Variants in ADAMTSL1 observed in about 807,000 individuals in gnomAD.
ADAMTSL1 encodes ADAMTS like 1, also known as ADAMTS-like protein 1.
A neutral mutation model predicts 201.8 loss-of-function variants in ADAMTSL1; 126 were observed. The observed-to-expected ratio is 0.62, with a 90% CI of 0.54 to 0.72. The LOEUF is 0.72. Among genes scored for constraint, ADAMTSL1 ranks in the 30% least tolerant of loss-of-function variants. The pLI is 0.00. For synonymous variants in ADAMTSL1, 1,121 were observed against 903.4 expected (o/e 1.24, Z -4.32); for missense variants, 2,679 against 2,277.8 (o/e 1.18, Z -3.59).
intron 21 of ADAMTSL1, among the ~76,000 whole-genome samples, chr9:18,821,003 T>C (rs941283044): frequency 6.6e-6 from 1 of 152,168 alleles, no homozygotes; most frequent in South Asian, 2.1e-4. Flanking sequence ...AAGTAGCATA[T>C]GAGGCTGAGG....
chr9:18,047,388 C>G (rs1821710588), intron 1 of ADAMTSL1, among the ~76,000 whole-genome samples: 1 of 152,066 alleles, frequency 6.6e-6, no homozygotes, highest in Non-Finnish European at 1.5e-5. Context: ...GGGTAAAGGA[C>G]AGGTATACTG....
At chr9:17,952,916 TCC>T in intron 1 of ADAMTSL1, among the ~76,000 whole-genome samples, 2 of 120,206 alleles carry the variant, frequency 1.7e-5, no homozygotes, top group South Asian at 5.7e-4. Context: ...CTTCCTCCTT[TCC>T]CTCCTCCTCC....
At chr9:18,801,485 G>A (rs2131085351) in intron 20 of ADAMTSL1, among the ~76,000 whole-genome samples, 1 of 152,200 alleles carries the variant, frequency 6.6e-6, no homozygotes, top group Admixed American at 6.5e-5. Context: ...CAGGTACTCA[G>A]CCTAGTACCC....
chr9:18,870,287 T>C (rs1827807472), intron 23 of ADAMTSL1, among the ~76,000 whole-genome samples: 1 of 152,192 alleles, frequency 6.6e-6, no homozygotes, highest in Admixed American at 6.5e-5. Context: ...TTGATTATTC[T>C]TGTCAACTGG....
chr9:18,024,759 T>A (rs1022571614), intron 1 of ADAMTSL1, among the ~76,000 whole-genome samples: 3 of 152,172 alleles, frequency 2.0e-5, no homozygotes, highest in African/African-American at 7.2e-5. Context: ...GTAGAACAAC[T>A]TATTTTCCTT....
At chr9:18,574,962 G>T (rs2132368066) in intron 4 of ADAMTSL1, among the ~76,000 whole-genome samples, 1 of 152,244 alleles carries the variant, frequency 6.6e-6, no homozygotes, top group Non-Finnish European at 1.5e-5. Context: ...AGGATTACCA[G>T]TCTAGTTTTT....
chr9:18,622,694 A>G, intron 5 of ADAMTSL1: 1 of 494,134 alleles, frequency 2.0e-6, no homozygotes, highest in South Asian at 3.8e-5. Context: ...CGTGATGTGT[A>G]GTGTGCTATG....
chr9:18,578,003 C>G (rs1228785472), intron 4 of ADAMTSL1, among the ~76,000 whole-genome samples: 2 of 125,778 alleles, frequency 1.6e-5, no homozygotes, highest in African/African-American at 5.7e-5. Context: ...TTTTTTTTTT[C>G]CAGAGCACAG....
intron 1 of ADAMTSL1, among the ~76,000 whole-genome samples, chr9:18,139,755 C>A (rs1422535452): frequency 2.0e-5 from 3 of 152,062 alleles, no homozygotes; most frequent in Non-Finnish European, 4.4e-5. Flanking sequence ...CAATTTTTTT[C>A]CCACTCATAT....
intron 23 of ADAMTSL1, among the ~76,000 whole-genome samples, chr9:18,861,226 C>A (rs993092854): frequency 2.6e-5 from 4 of 152,220 alleles, no homozygotes; most frequent in African/African-American, 9.7e-5. Context: ...AGACCCTCCA[C>A]CTTCATGCAA....
Position 18,684,784 on chromosome 9 carries a change from G to C in ADAMTSL1, c.1558G>C (p.Val520Leu), listed in dbSNP as rs143011319. The change falls in exon 13 of 29, where the codon GTG becomes CTG. Residue 520 changes from valine (V) to leucine (L), a missense_variant. Coordinates refer to ENST00000380548, the MANE Select transcript of ADAMTSL1 (RefSeq NM_001040272.6). ...TCAAGAGCTAGAAGAAGGAGCTGCT[G>C]TGTCAGAGGAGCCCTCGTAAGTTGT... The part of the protein sequence containing the change: ...QAQELEEGAA[V>L]SEEPSFIPEA... 6.2e-7 allele frequency: 1 copy of C among 1,612,222 alleles called. No homozygotes were observed. Among genetic ancestry groups the C allele is most frequent in the Non-Finnish European group, 8.5e-7 (1 of 1,179,384 alleles).
intron 2 of ADAMTSL1, among the ~76,000 whole-genome samples, chr9:18,430,026 G>A (rs1819413059): frequency 6.6e-6 from 1 of 152,054 alleles, no homozygotes; most frequent in Non-Finnish European, 1.5e-5. Context: ...CTGACCTCAG[G>A]TGATCCACCC....
intron 2 of ADAMTSL1, among the ~76,000 whole-genome samples, chr9:18,315,709 T>TC (rs1364688579): frequency 6.6e-6 from 1 of 152,028 alleles, no homozygotes; most frequent in Non-Finnish European, 1.5e-5. Context: ...CCCGCGCCTC[T>TC]CCCTCCACAC....
At chr9:18,501,141 C>T (rs117236185) in intron 1 of ADAMTSL1, among the ~76,000 whole-genome samples, 1 of 152,118 alleles carries the variant, frequency 6.6e-6, no homozygotes, top group Non-Finnish European at 1.5e-5. Context: ...TCTATTTCCC[C>T]TGCTAGATGC....
At chr9:17,961,141 C>T (rs1359841581) in intron 1 of ADAMTSL1, among the ~76,000 whole-genome samples, 2 of 152,124 alleles carry the variant, frequency 1.3e-5, no homozygotes. Flanking sequence ...TAGGTATATA[C>T]TTGGGCTCTA....
At chr9:18,681,721 A>T in intron 11 of ADAMTSL1, 91 bp from the exon 12 acceptor site, 2 of 1,037,092 alleles carry the variant, frequency 1.9e-6, no homozygotes, top group Non-Finnish European at 2.6e-6. Flanking sequence ...GGGGAAAAAG[A>T]AAACTTAGAT....
intron 2 of ADAMTSL1, among the ~76,000 whole-genome samples, chr9:18,253,287 G>C (rs963175569): frequency 6.6e-6 from 1 of 152,164 alleles, no homozygotes; most frequent in Admixed American, 6.5e-5. Flanking sequence ...ACCTCAGGAA[G>C]GAGGGAATGA....
intron 1 of ADAMTSL1, 54 bp from the exon 2 acceptor site, chr9:18,504,775 T>C (rs1308709096): frequency 1.2e-6 from 2 of 1,613,532 alleles, no homozygotes; most frequent in African/African-American, 1.3e-5. Flanking sequence ...TTAGAACACA[T>C]GTTTCAGGGT....
chr9:18,679,624 GTTAC>G (rs1564143448), intron 10 of ADAMTSL1, among the ~76,000 whole-genome samples: 1 of 152,142 alleles, frequency 6.6e-6, no homozygotes, highest in Non-Finnish European at 1.5e-5. Flanking sequence ...AGTTCCAAGA[GTTAC>G]TTACTGGAGG....
Sources: allele counts gnomAD v4.1 joint callset (sites outside exome capture counted in the v4.1 genomes callset), GRCh38; gene constraint gnomAD v4.1.1; transcripts MANE v1.5; gene names NCBI Gene and HGNC (gene_info 2026-07-23, HGNC 2026-07-21).